Variants in SEC14L5 observed in about 807,000 individuals in gnomAD.
SEC14L5 encodes the protein SEC14 like lipid binding 5.
A neutral mutation model predicts 84.6 loss-of-function variants in SEC14L5; 96 were observed. The ratio of observed to expected loss-of-function variants is 1.13; its 90% CI spans 0.96 to 1.34. The LOEUF is 1.34. Ranked by LOEUF, SEC14L5 falls within the 40% of genes most tolerant of loss-of-function variation. The pLI is 0.00. For synonymous variants in SEC14L5, 546 were observed against 383.4 expected, an observed-to-expected ratio of 1.42 and a Z score of -4.95; for missense variants, 1,224 against 942.5, an observed-to-expected ratio of 1.30 and a Z score of -3.91.
rs754782086 is a variant in SEC14L5, at chr16:4,987,622, C to G, written c.129C>G (p.Arg43=). 199 of 1,558,222 alleles carry G rather than the reference C, an allele frequency of 1.3e-4. No individual in the cohort carries two copies. The highest frequency in any genetic ancestry group is 1.7e-4 in the Non-Finnish European group (197 of 1,152,240). Residue 43 remains arginine, a synonymous_variant, in exon 3 of 16, where the codon CGC becomes CGG. Coordinates refer to ENST00000251170, the MANE Select transcript of SEC14L5 (RefSeq NM_014692.2). ...TCTTCCTGGGCAGCGAGGTCTTGCGCGAGTCCCGCAGCCCGGACGGGGCTG... is the reference window on the plus strand; with the variant it reads ...TCTTCCTGGGCAGCGAGGTCTTGCGGGAGTCCCGCAGCCCGGACGGGGCTG... The part of the protein sequence containing the change: ...IPVFLGSEVL[R]ESRSPDGAVH...
Position 5,002,678 on chromosome 16 carries a change from G to A in SEC14L5, c.1131-724G>A, listed in dbSNP as rs191926031. 1.7e-3 allele frequency among the ~76,000 whole-genome samples: 257 copies of A among 152,272 alleles called. 1 individual carries two copies. Among genetic ancestry groups the A allele is most frequent in the African/African-American group, 6.0e-3 (250 of 41,558 alleles). ...AGGTTTAAGCGAACAAATCTGGGAGGTGGAGGCTCCCGGGCACCAGCCGCT... is the reference window on the plus strand; with the variant it reads ...AGGTTTAAGCGAACAAATCTGGGAGATGGAGGCTCCCGGGCACCAGCCGCT... On this transcript the variant is annotated intron_variant, in intron 10 of 15. Coordinates refer to ENST00000251170, the MANE Select transcript of SEC14L5 (RefSeq NM_014692.2).
chr16:4,977,472 A>G (rs112649818), intron 2 of SEC14L5, among the ~76,000 whole-genome samples: 1 of 2,388 alleles, frequency 4.2e-4, no homozygotes, highest in Admixed American at 5.3e-3. Context: ...AAAAAAAAGG[A>G]AAAAAAAAGA....
intron 3 of SEC14L5, among the ~76,000 whole-genome samples, 170 bp downstream of exon 3, chr16:4,987,876 C>T (rs1189071083): frequency 2.0e-5 from 3 of 151,598 alleles, no homozygotes; most frequent in Non-Finnish European, 2.9e-5. Context: ...GACCAGGGCC[C>T]AGGAGGGGCG....
In SEC14L5 at chr16:4,987,233, G is replaced by A. The variant is rs534050375; in HGVS notation, c.64-324G>A. ...TTTTTTTTTATCATGAAGGGGTGTTGGATTTTTCTCAAATGCTTTTCCTGA... is the reference window on the plus strand; with the variant it reads ...TTTTTTTTTATCATGAAGGGGTGTTAGATTTTTCTCAAATGCTTTTCCTGA... On this transcript the variant is annotated intron_variant, in intron 2 of 15. Transcript: ENST00000251170. Among the ~76,000 whole-genome samples, 3 of 146,450 alleles carry A rather than the reference G, an allele frequency of 2.0e-5. No individual in the cohort carries two copies. The Admixed American group carries it at 2.1e-4, about 10-fold the overall frequency.
chr16:4,992,190 T>C lies in SEC14L5; in HGVS notation c.667+160T>C, dbSNP rs146525355. ...ACCGCCTCCTGCCTCCACTGAGTGC[T>C]TTTCTCTCTCTCCATCCTGGTCCAA... On this transcript the variant is annotated intron_variant, in intron 6 of 15. Transcript: ENST00000251170. 4.5e-3 allele frequency among the ~76,000 whole-genome samples: 684 copies of C among 152,382 alleles called. 2 individuals are homozygous for C. Among genetic ancestry groups the C allele is most frequent in the Non-Finnish European group, 6.5e-3 (442 of 68,032 alleles).
chr16:5,010,474 A>G (rs1431933568), intron 14 of SEC14L5, among the ~76,000 whole-genome samples: 1 of 152,066 alleles, frequency 6.6e-6, no homozygotes, highest in Non-Finnish European at 1.5e-5. Flanking sequence ...TTGCAGGTGG[A>G]ATGTCACTCT....
At chr16:4,958,586 A>G (rs889078551) in intron 1 of SEC14L5, 141 bp downstream of exon 1, 3 of 153,016 alleles carry the variant, frequency 2.0e-5, no homozygotes, top group African/African-American at 7.2e-5. Flanking sequence ...CTGTGTGTGC[A>G]TGCGTGTGCG....
intron 10 of SEC14L5, among the ~76,000 whole-genome samples, chr16:5,002,540 T>G (rs1006418641): frequency 1.3e-4 from 20 of 152,166 alleles, no homozygotes; most frequent in African/African-American, 4.8e-4. Context: ...AGGACACGTA[T>G]GTTGGGGTGG....
At chr16:4,992,130 T>TC (rs1200558150) in intron 6 of SEC14L5, 100 bp downstream of exon 6, 3 of 817,254 alleles carry the variant, frequency 3.7e-6, no homozygotes, top group African/African-American at 1.8e-5. Flanking sequence ...TTGCCTGCCG[T>TC]CCCCCCTGGG....
chr16:4,987,542 C>G lies in SEC14L5; in HGVS notation c.64-15C>G. 1 of 1,537,476 alleles carries G rather than the reference C, an allele frequency of 6.5e-7. No individual in the cohort carries two copies. Among genetic ancestry groups the G allele is most frequent in the Non-Finnish European group, 8.8e-7 (1 of 1,141,762 alleles). ...CCCCCCCCACCACGGCCGCTCACTG[C>G]CGCTCTGCCCCCAGGCCTACGAGAA... On this transcript the variant is annotated splice_polypyrimidine_tract_variant and intron_variant, in intron 2 of 15. Coordinates refer to ENST00000251170, the MANE Select transcript of SEC14L5 (RefSeq NM_014692.2).
chr16:5,015,035 C>G lies in SEC14L5; in HGVS notation c.*65C>G. 1 of 1,283,912 alleles carries G rather than the reference C, an allele frequency of 7.8e-7. No homozygotes were observed. Among genetic ancestry groups the G allele is most frequent in the Non-Finnish European group, 1.1e-6 (1 of 899,050 alleles). 79.5% of individuals were successfully genotyped at this position (1,283,912 alleles called of 1,614,324 possible). A position where few individuals can be genotyped will look rare whatever the true frequency, so the allele number is the denominator to read the frequency against. On this transcript the variant is annotated 3_prime_UTR_variant, in exon 16 of 16. Transcript: ENST00000251170. ...GTCCAGAAATGTCCAGAATGAGAAGCCAGCTAACTGCAGGGCCTGGGACCA... is the reference window on the plus strand; with the variant it reads ...GTCCAGAAATGTCCAGAATGAGAAGGCAGCTAACTGCAGGGCCTGGGACCA...
rs745659983 is a variant in SEC14L5 at position 4,959,291 on chromosome 16, C to T, written c.-33C>T. The T allele has an allele frequency of 1.2e-5, 19 of 1,584,396 alleles. No individual in the cohort carries two copies. In the Admixed American group the frequency reaches 2.8e-4, roughly 24 times the overall value. On this transcript the variant is annotated 5_prime_UTR_variant, in exon 2 of 16. Coordinates refer to ENST00000251170, the MANE Select transcript of SEC14L5 (RefSeq NM_014692.2). ...GCCCCAGGCTCTGTGCACACCCCTGCCTGGTGACCTCCATTGGTGCTCCAG... is the reference window on the plus strand; with the variant it reads ...GCCCCAGGCTCTGTGCACACCCCTGTCTGGTGACCTCCATTGGTGCTCCAG...
chr16:4,996,813 G>A, intron 7 of SEC14L5, 42 bp from the exon 8 acceptor site: 1 of 1,501,564 alleles, frequency 6.7e-7, no homozygotes. Flanking sequence ...TGCTGGGTCA[G>A]GGGATACCGT....
chr16:4,996,563 A>T (rs1370076648), intron 7 of SEC14L5, 103 bp downstream of exon 7: 2 of 654,556 alleles, frequency 3.1e-6, no homozygotes, highest in Non-Finnish European at 2.8e-6. Context: ...CTGACACATT[A>T]TCTCTTGCTT....
rs929299190 is a variant in SEC14L5, at chr16:4,959,121, C to A, written c.-51-152C>A. On this transcript the variant is annotated intron_variant, in intron 1 of 15. Transcript: ENST00000251170. ...TGACAGGGAAGCTGTTGGGGCTTGG[C>A]CTGGAGTAATTTGGGGGGAATATCA... is the stretch of plus-strand genomic sequence containing the variant. 6.7e-6 allele frequency: 4 copies of A among 598,420 alleles called. No individual in the cohort carries two copies. The African/African-American group carries it at 7.5e-5, about 11-fold the overall frequency. 37.1% of individuals were successfully genotyped at this position (598,420 alleles called of 1,614,324 possible).
At chr16:5,007,322 G>A in intron 12 of SEC14L5, 30 bp from the exon 13 acceptor site, 2 of 1,609,662 alleles carry the variant, frequency 1.2e-6, no homozygotes, top group Non-Finnish European at 1.7e-6. Flanking sequence ...AACTGGCCCT[G>A]ACCTGCTGCC....
Position 5,008,664 on chromosome 16 carries a change from A to G in SEC14L5, c.1800+16A>G. 6.2e-7 allele frequency: 1 copy of G among 1,600,856 alleles called. No homozygotes were observed. Among genetic ancestry groups the G allele is most frequent in the South Asian group, 1.1e-5 (1 of 89,894 alleles). ...GAGCATCCAGGTTTGCATTTTCTGG[A>G]CCACTCATTCGCTCACCAAGCAGCA... is the stretch of plus-strand genomic sequence containing the variant. On this transcript the variant is annotated intron_variant, in intron 14 of 15. Coordinates refer to ENST00000251170, the MANE Select transcript of SEC14L5 (RefSeq NM_014692.2).
intron 15 of SEC14L5, 52 bp from the exon 16 acceptor site, chr16:5,014,807 A>C (rs1955852255): frequency 2.1e-6 from 3 of 1,426,050 alleles, no homozygotes; most frequent in Middle Eastern, 3.5e-4. Context: ...GTGTCAGCCC[A>C]AGGGCCTTGT....
intron 12 of SEC14L5, 32 bp downstream of exon 12, chr16:5,006,080 G>T: frequency 6.2e-7 from 1 of 1,609,758 alleles, no homozygotes; most frequent in Non-Finnish European, 8.5e-7. Context: ...ACAGACCTGG[G>T]CTTGAGGAGG....
Sources: gnomAD v4.1 joint callset for allele counts (sites outside exome capture counted in the v4.1 genomes callset) on GRCh38, gnomAD v4.1.1 for gene constraint, MANE v1.5 for transcripts, NCBI Gene and HGNC (gene_info 2026-07-23, HGNC 2026-07-21) for gene names.